Variants in EIF4EBP1 observed in about 807,000 individuals in gnomAD.
The protein encoded by EIF4EBP1 is eukaryotic translation initiation factor 4E-binding protein 1.
A neutral mutation model predicts 9.2 loss-of-function variants in EIF4EBP1; 5 were observed. That is an observed-to-expected ratio of 0.54 (90% CI 0.28 to 1.14). EIF4EBP1 has a LOEUF of 1.14. EIF4EBP1 is among the 50% of genes most tolerant of loss of function. The probability of loss-of-function intolerance (pLI) is 0.09; values close to 1 mark genes in which losing one functional copy is unlikely to be tolerated. For synonymous variants in EIF4EBP1, 62 were observed against 67.0 expected (o/e 0.93, Z 0.36); for missense variants, 139 against 169.6 (o/e 0.82, Z 1.00).
intron 1 of EIF4EBP1, among the ~76,000 whole-genome samples, chr8:38,037,141 C>T (rs115677666): frequency 1.3e-5 from 2 of 152,200 alleles, no homozygotes; most frequent in Admixed American, 1.3e-4. Flanking sequence ...GAATGAATCA[C>T]ACGTTTTTGT....
chr8:38,030,947 G>A (rs1270747064), intron 1 of EIF4EBP1, among the ~76,000 whole-genome samples: 2 of 152,128 alleles, frequency 1.3e-5, no homozygotes, highest in African/African-American at 2.4e-5. Flanking sequence ...TTTCTGTTAG[G>A]TGTCAGACAG....
chr8:38,033,325 T>A (rs1809251981), intron 1 of EIF4EBP1, among the ~76,000 whole-genome samples: 1 of 151,938 alleles, frequency 6.6e-6, no homozygotes, highest in South Asian at 2.1e-4. Context: ...GCCTCGGCCT[T>A]CCAGAATGCT....
chr8:38,052,073 G>C (rs113358829), intron 1 of EIF4EBP1, among the ~76,000 whole-genome samples: 2,212 of 152,262 alleles, frequency 0.015, 54 homozygotes, highest in African/African-American at 0.05. Flanking sequence ...GGCCACCCTA[G>C]CGTGATGCCA....
chr8:38,048,149 G>C (rs1809470179), intron 1 of EIF4EBP1, among the ~76,000 whole-genome samples: 1 of 152,014 alleles, frequency 6.6e-6, no homozygotes, highest in Non-Finnish European at 1.5e-5. Flanking sequence ...ACACTTGCCT[G>C]TAGTCCCAGC....
intron 1 of EIF4EBP1, among the ~76,000 whole-genome samples, chr8:38,052,317 A>G (rs77755810): frequency 0.077 from 11,594 of 150,930 alleles, 1,232 homozygotes; most frequent in African/African-American, 0.24. Flanking sequence ...CTGGAGTCCA[A>G]TGGTGCAACC....
At chr8:38,059,785 A>G (rs1376892293) in intron 2 of EIF4EBP1, 119 bp from the exon 3 acceptor site, 2 of 1,024,732 alleles carry the variant, frequency 2.0e-6, no homozygotes, top group Non-Finnish European at 2.9e-6. Flanking sequence ...ACAAAAAAAA[A>G]CTTATTTTCT....
chr8:38,030,724 C>G lies in EIF4EBP1; in HGVS notation c.145+6C>G. 7.2e-7 allele frequency: 1 copy of G among 1,384,668 alleles called. No individual in the cohort carries two copies. The highest frequency in any genetic ancestry group is 9.3e-7 in the Non-Finnish European group (1 of 1,074,650). 85.8% of individuals were successfully genotyped at this position (1,384,668 alleles called of 1,614,324 possible). On this transcript the variant is annotated splice_donor_region_variant and intron_variant, in intron 1 of 2. Transcript: ENST00000338825. ...CTTCAGCACCACCCCGGGAGGTAGG[C>G]GCGGGCTTGGCGACGCCGCTTGCCG...
chr8:38,048,330 T>G (rs1296026117), intron 1 of EIF4EBP1, among the ~76,000 whole-genome samples: 1 of 152,084 alleles, frequency 6.6e-6, no homozygotes, highest in Non-Finnish European at 1.5e-5. Context: ...TTTATTATGA[T>G]GATTCTTGAG....
intron 1 of EIF4EBP1, 30 bp downstream of exon 1, chr8:38,030,748 C>T: frequency 2.2e-6 from 3 of 1,374,104 alleles, no homozygotes; most frequent in Non-Finnish European, 2.8e-6. Context: ...CGCCGCTTGC[C>T]GGCTCCTGGG....
intron 1 of EIF4EBP1, among the ~76,000 whole-genome samples, chr8:38,034,260 C>T (rs1249054800): frequency 1.3e-5 from 2 of 151,716 alleles, no homozygotes. Flanking sequence ...ATTACCCAGG[C>T]TGGCCTCAAA....
intron 1 of EIF4EBP1, among the ~76,000 whole-genome samples, chr8:38,034,563 T>C (rs572416873): frequency 6.6e-6 from 1 of 152,186 alleles, no homozygotes; most frequent in Non-Finnish European, 1.5e-5. Context: ...CCCTCATCAA[T>C]CTCCACATTC....
intron 1 of EIF4EBP1, among the ~76,000 whole-genome samples, chr8:38,046,517 C>T (rs991880590): frequency 1.3e-5 from 2 of 152,144 alleles, no homozygotes; most frequent in Non-Finnish European, 1.5e-5. Context: ...TCTGATTTAT[C>T]CCTGCTTTGA....
intron 1 of EIF4EBP1, among the ~76,000 whole-genome samples, chr8:38,043,628 G>A (rs1247444974): frequency 1.3e-5 from 2 of 152,016 alleles, no homozygotes; most frequent in East Asian, 3.9e-4. Context: ...TAACAGGTGT[G>A]AGCTATCACA....
intron 1 of EIF4EBP1, among the ~76,000 whole-genome samples, chr8:38,053,895 G>A (rs542194870): frequency 6.6e-6 from 1 of 152,328 alleles, no homozygotes; most frequent in South Asian, 2.1e-4. Context: ...CCAGGGCCTA[G>A]AGGGAGTGGG....
chr8:38,034,856 T>G (rs1248634355), intron 1 of EIF4EBP1, among the ~76,000 whole-genome samples: 1 of 152,126 alleles, frequency 6.6e-6, no homozygotes, highest in Non-Finnish European at 1.5e-5. Context: ...CTTAGTCACA[T>G]GGAGGGAAGA....
intron 1 of EIF4EBP1, among the ~76,000 whole-genome samples, chr8:38,033,041 ATTTCTTTCTTTTC>A (rs1230908275): frequency 2.8e-5 from 4 of 142,512 alleles, no homozygotes; most frequent in Admixed American, 7.1e-5. Context: ...TAGATTCAGC[ATTTCTTTCTTTTC>A]TTTCTTTCTT....
At chr8:38,040,582 C>A (rs1809363802) in intron 1 of EIF4EBP1, among the ~76,000 whole-genome samples, 1 of 152,208 alleles carries the variant, frequency 6.6e-6, no homozygotes, top group Non-Finnish European at 1.5e-5. Context: ...TGGCTGCATA[C>A]AGTGTACAGC....
chr8:38,049,514 C>T (rs1173438097), intron 1 of EIF4EBP1, among the ~76,000 whole-genome samples: 2 of 149,528 alleles, frequency 1.3e-5, no homozygotes, highest in African/African-American at 4.9e-5. Flanking sequence ...CAGGTTCTCG[C>T]TCTGTCCCCC....
At chr8:38,040,734 T>G (rs1285948994) in intron 1 of EIF4EBP1, among the ~76,000 whole-genome samples, 1 of 152,210 alleles carries the variant, frequency 6.6e-6, no homozygotes, top group South Asian at 2.1e-4. Context: ...GCTTGAGTTT[T>G]ATTTACATGG....
Sources: gnomAD v4.1 joint callset for allele counts (sites outside exome capture counted in the v4.1 genomes callset) on GRCh38, gnomAD v4.1.1 for gene constraint, MANE v1.5 for transcripts, NCBI Gene and HGNC (gene_info 2026-07-23, HGNC 2026-07-21) for gene names.